IGFBP5: variants seen among roughly 807,000 people sequenced by gnomAD.
IGFBP5 encodes the protein insulin-like growth factor-binding protein 5.
IGFBP5 carries 12 observed loss-of-function variants against 28.0 expected under a neutral mutation model. The ratio of observed to expected loss-of-function variants is 0.43; its 90% CI spans 0.27 to 0.69. The LOEUF (loss-of-function observed/expected upper bound fraction) is 0.69, where lower values mean the gene tolerates loss of function less well. Among genes scored for constraint, IGFBP5 ranks in the 30% least tolerant of loss-of-function variants. The pLI is 0.20. For synonymous variants in IGFBP5, 152 were observed against 150.2 expected (o/e 1.01, Z -0.09); for missense variants, 344 against 381.6 (o/e 0.90, Z 0.82).
rs1415402478 is a variant in IGFBP5 at position 216,673,400 on chromosome 2, T to A, written c.*3351A>T. 6.6e-6 allele frequency: 1 copy of A among 152,394 alleles called. No individual in the cohort carries two copies. Among genetic ancestry groups the A allele is most frequent in the East Asian group, 1.9e-4 (1 of 5,198 alleles). 9.4% of individuals were successfully genotyped at this position (152,394 alleles called of 1,614,324 possible). ...CTAGGCCTGGCTGTCAAAGAAAGGT[T>A]CCAGTCTCTTCCTCCCCATGTGCCC... On this transcript the variant is annotated 3_prime_UTR_variant, in exon 4 of 4. Transcript: ENST00000233813. The surrounding 1 kb of genome is among the most constrained non-coding windows in gnomAD (Gnocchi z 4.3).
rs189708769 is a variant in IGFBP5, at chr2:216,676,670, C to T, written c.*81G>A. ...CCCTTAAATGAGATGAAATGAGTGG[C>T]GTCCTGGGGTGGAGGGAGGCGCTGG... On this transcript the variant is annotated 3_prime_UTR_variant, in exon 4 of 4. Transcript: ENST00000233813. 1.4e-3 allele frequency: 1,137 copies of T among 813,862 alleles called. 7 individuals carry two copies. In the African/African-American group the frequency reaches 0.019, roughly 14 times the overall value. The allele number at this position is 813,862 out of a possible 1,614,324, so 50.4% of individuals were successfully genotyped here.
At chr2:216,682,610 C>T (rs916365475) in intron 1 of IGFBP5, among the ~76,000 whole-genome samples, 2 of 152,128 alleles carry the variant, frequency 1.3e-5, no homozygotes. Context: ...TGCTCTGGAA[C>T]CTGTTTGACA....
intron 1 of IGFBP5, among the ~76,000 whole-genome samples, chr2:216,689,534 G>A (rs752751421): frequency 1.3e-5 from 2 of 152,226 alleles, no homozygotes; most frequent in African/African-American, 2.4e-5. Context: ...GATAGCATCT[G>A]GCAGTGTTTG....
rs559545615 is a variant in IGFBP5 at position 216,679,455 on chromosome 2, T to C, written c.338-376A>G. On this transcript the variant is annotated intron_variant, in intron 1 of 3. Coordinates refer to ENST00000233813, the MANE Select transcript of IGFBP5 (RefSeq NM_000599.4). The surrounding 1 kb of genome is among the most constrained non-coding windows in gnomAD (Gnocchi z 4.6). ...AGGTGGCAGCGAGCGGTTTGCTTGCTGGGGGATGGCCAAGTAGATGGGACA... is the reference window on the plus strand; with the variant it reads ...AGGTGGCAGCGAGCGGTTTGCTTGCCGGGGGATGGCCAAGTAGATGGGACA... Among the ~76,000 whole-genome samples the C allele has an allele frequency of 1.3e-5, 2 of 151,992 alleles. No individual in the cohort carries two copies. The highest frequency in any genetic ancestry group is 3.9e-4 in the East Asian group (2 of 5,154).
chr2:216,689,638 C>T (rs1418267829), intron 1 of IGFBP5, among the ~76,000 whole-genome samples: 1 of 152,240 alleles, frequency 6.6e-6, no homozygotes, highest in African/African-American at 2.4e-5. Flanking sequence ...GCTGGAGCCC[C>T]TGCGGGAAAG....
chr2:216,680,252 G>A (rs1688957379), intron 1 of IGFBP5, among the ~76,000 whole-genome samples: 1 of 152,164 alleles, frequency 6.6e-6, no homozygotes, highest in Admixed American at 6.6e-5. Flanking sequence ...AGAAAATAGA[G>A]CTTTGAGTGA....
Position 216,678,892 on chromosome 2 carries a change from G to C in IGFBP5, c.525C>G (p.Pro175=). The C allele has an allele frequency of 6.2e-7, 1 of 1,614,224 alleles. No homozygotes were observed. Among genetic ancestry groups the C allele is most frequent in the South Asian group, 1.1e-5 (1 of 91,082 alleles). ...FVGGAENTAH[P]RIISAPEMRQ... is the part of the protein sequence containing the mutation. ...TCATCTCAGGTGCAGAGATGATCCG[G>C]GGGTGGGCAGTGTTCTCGGCTCCCC... The change falls in exon 2 of 4, where the codon CCC becomes CCG. Residue 175 remains proline, a synonymous_variant. Coordinates refer to ENST00000233813, the MANE Select transcript of IGFBP5 (RefSeq NM_000599.4).
chr2:216,682,375 C>T (rs1283067154), intron 1 of IGFBP5, among the ~76,000 whole-genome samples: 1 of 152,188 alleles, frequency 6.6e-6, no homozygotes, highest in Non-Finnish European at 1.5e-5. Context: ...CCAGAAGCAG[C>T]CAGCCCGACT....
intron 1 of IGFBP5, among the ~76,000 whole-genome samples, chr2:216,689,661 G>C (rs1415624655): frequency 2.0e-5 from 3 of 152,238 alleles, no homozygotes; most frequent in African/African-American, 7.2e-5. Context: ...CTGAGTCCCA[G>C]CCCCTTGTCT....
Position 216,676,585 on chromosome 2 carries a change from G to C in IGFBP5, c.*166C>G. ...CTCTGTTGTTGCCATTTTCGAAGTT[G>C]AGCCCTTGCTAGAGATTCCGAGGTC... On this transcript the variant is annotated 3_prime_UTR_variant, in exon 4 of 4. Transcript: ENST00000233813. 2.1e-6 allele frequency: 1 copy of C among 479,630 alleles called. No homozygotes were observed. Among genetic ancestry groups the C allele is most frequent in the Non-Finnish European group, 3.7e-6 (1 of 269,464 alleles). 29.7% of individuals were successfully genotyped at this position (479,630 alleles called of 1,614,324 possible). A position where few individuals can be genotyped will look rare whatever the true frequency, so the allele number is the denominator to read the frequency against.
rs931993741 is a variant in IGFBP5 at position 216,679,217 on chromosome 2, G to A, written c.338-138C>T. On this transcript the variant is annotated intron_variant, in intron 1 of 3. Transcript: ENST00000233813. The surrounding 1 kb of genome is among the most constrained non-coding windows in gnomAD (Gnocchi z 4.6). ...TCTCTGCCCTCCTGGAGCACACCCT[G>A]AAAGCAGGGGGATAAGAACCAGGAA... 5.8e-6 allele frequency: 4 copies of A among 694,578 alleles called. No homozygotes were observed. Among genetic ancestry groups the A allele is most frequent in the African/African-American group, 3.5e-5 (2 of 56,822 alleles). 43.0% of individuals were successfully genotyped at this position (694,578 alleles called of 1,614,324 possible). A position where few individuals can be genotyped will look rare whatever the true frequency, so the allele number is the denominator to read the frequency against.
Position 216,675,759 on chromosome 2 carries a change from A to C in IGFBP5, c.*992T>G, listed in dbSNP as rs1688889854. On this transcript the variant is annotated 3_prime_UTR_variant, in exon 4 of 4. Transcript: ENST00000233813. ...AAAGAAAAAAACAAAGAAAAAGAAT[A>C]GATTTATATGCCTATATATGACTAT... 2 of 152,212 alleles carry C rather than the reference A, an allele frequency of 1.3e-5. No homozygotes were observed. The highest frequency in any genetic ancestry group is 2.9e-5 in the Non-Finnish European group (2 of 68,058). The allele number at this position is 152,212 out of a possible 1,614,324, so 9.4% of individuals were successfully genotyped here.
chr2:216,682,966 C>G (rs968921386), intron 1 of IGFBP5, among the ~76,000 whole-genome samples: 2 of 152,102 alleles, frequency 1.3e-5, no homozygotes, highest in Non-Finnish European at 2.9e-5. Context: ...CCTTGGCCTC[C>G]CAAAGAGCTG....
chr2:216,680,280 G>A (rs1688957769), intron 1 of IGFBP5, among the ~76,000 whole-genome samples: 1 of 152,160 alleles, frequency 6.6e-6, no homozygotes, highest in Non-Finnish European at 1.5e-5. Context: ...TAACTGAAAT[G>A]AGGTGAAAGA....
At chr2:216,684,091 C>A (rs142840462) in intron 1 of IGFBP5, among the ~76,000 whole-genome samples, 1 of 152,336 alleles carries the variant, frequency 6.6e-6, no homozygotes, top group Admixed American at 6.5e-5. Context: ...GCAAGCCCAG[C>A]TGCTACAGAC....
intron 1 of IGFBP5, among the ~76,000 whole-genome samples, chr2:216,685,265 T>G: frequency 7.0e-6 from 1 of 143,726 alleles, no homozygotes; most frequent in African/African-American, 2.7e-5. Flanking sequence ...TGGGCAATAG[T>G]GTGACAAAAA....
chr2:216,678,781 A>G, intron 2 of IGFBP5, 69 bp downstream of exon 2: 4 of 1,320,644 alleles, frequency 3.0e-6, no homozygotes, highest in Non-Finnish European at 4.2e-6. Context: ...TCCTGCCGCC[A>G]TGAATGTCCA....
At position 216,672,320 on chromosome 2, in the gene IGFBP5, G is replaced by A. The variant is rs1177404233; in HGVS notation, c.*4431C>T. The A allele has an allele frequency of 9.3e-6, 1 of 108,032 alleles. No homozygotes were observed. The highest frequency in any genetic ancestry group is 4.0e-5 in the African/African-American group (1 of 25,130). 6.7% of individuals were successfully genotyped at this position (108,032 alleles called of 1,614,324 possible). Reference sequence around the variant, plus strand: ...TTCAGGTGTTTTTTTTTTTTTTTTCGGCTTTTTTTTTTTTTTCTCACAAAC... The same window carrying A: ...TTCAGGTGTTTTTTTTTTTTTTTTCAGCTTTTTTTTTTTTTTCTCACAAAC... On this transcript the variant is annotated 3_prime_UTR_variant, in exon 4 of 4. Transcript: ENST00000233813.
rs186493013 is a variant in IGFBP5 at position 216,693,539 on chromosome 2, A to G, written c.337+900T>C. Among the ~76,000 whole-genome samples, 8 of 151,996 alleles carry G rather than the reference A, an allele frequency of 5.3e-5. No individual in the cohort carries two copies. In the East Asian group the frequency reaches 1.4e-3, roughly 26 times the overall value. Reference sequence around the variant, plus strand: ...ATAGGCGAGGAAGTTGAAAGCTCTGAATCTCACATCCCCTTTTGCCTCCCA... The same window carrying G: ...ATAGGCGAGGAAGTTGAAAGCTCTGGATCTCACATCCCCTTTTGCCTCCCA... On this transcript the variant is annotated intron_variant, in intron 1 of 3. Transcript: ENST00000233813.
Sources: gnomAD v4.1 joint callset for allele counts (sites outside exome capture counted in the v4.1 genomes callset) on GRCh38, gnomAD v4.1.1 for gene constraint, Gnocchi (gnomAD v3.1) non-coding constraint, MANE v1.5 for transcripts, NCBI Gene and HGNC (gene_info 2026-07-23, HGNC 2026-07-21) for gene names.